The following THEM6 variants were observed in gnomAD, a reference collection of about 807,000 sequenced individuals.
The protein encoded by THEM6 is protein THEM6.
In THEM6, 10 loss-of-function variants were observed where a neutral mutation model predicts 13.7. That is an observed-to-expected ratio of 0.73 (90% CI 0.45 to 1.24). The LOEUF is 1.24. THEM6 is among the 50% of genes most tolerant of loss of function. The pLI, the probability that THEM6 is intolerant of heterozygous loss-of-function variation, is 0.00. For synonymous variants in THEM6, 161 were observed against 156.0 expected (o/e 1.03, Z -0.24); for missense variants, 317 against 312.6 (o/e 1.01, Z -0.11).
In THEM6 at chr8:142,735,617, C is replaced by G. The variant is rs1815741983; in HGVS notation, c.*178C>G. Reference sequence around the variant, plus strand: ...ATACCCCTCTGTGCTGGGCTCCACGCTAGGCAGAAGGAGGAGTGGCATTGG... The same window carrying G: ...ATACCCCTCTGTGCTGGGCTCCACGGTAGGCAGAAGGAGGAGTGGCATTGG... On this transcript the variant is annotated 3_prime_UTR_variant, in exon 2 of 2. Coordinates refer to ENST00000336138, the MANE Select transcript of THEM6 (RefSeq NM_016647.3). 1 of 592,680 alleles carries G rather than the reference C, an allele frequency of 1.7e-6. No homozygotes were observed. The highest frequency in any genetic ancestry group is 3.0e-6 in the Non-Finnish European group (1 of 328,344). The allele number at this position is 592,680 out of a possible 1,614,324, so 36.7% of individuals were successfully genotyped here.
rs1815742106 is a variant in THEM6, at chr8:142,735,620, G to A, written c.*181G>A. 2 of 586,814 alleles carry A rather than the reference G, an allele frequency of 3.4e-6. No homozygotes were observed. The highest frequency in any genetic ancestry group is 1.9e-5 in the African/African-American group (1 of 53,954). The allele number at this position is 586,814 out of a possible 1,614,324, so 36.4% of individuals were successfully genotyped here. On this transcript the variant is annotated 3_prime_UTR_variant, in exon 2 of 2. Transcript: ENST00000336138. ...CCCCTCTGTGCTGGGCTCCACGCTA[G>A]GCAGAAGGAGGAGTGGCATTGGCAT...
At chr8:142,733,139 C>T (rs966085206) in intron 1 of THEM6, among the ~76,000 whole-genome samples, 1 of 152,110 alleles carries the variant, frequency 6.6e-6, no homozygotes, top group South Asian at 2.1e-4. Context: ...TAGCAACGTA[C>T]AACTTTTTAA....
In THEM6 at chr8:142,728,821, T is replaced by C. The variant is rs587636636; in HGVS notation, c.513+962T>C. On this transcript the variant is annotated intron_variant, in intron 1 of 1. Transcript: ENST00000336138. ...ATGTTCCTGTAAGAGGAGGAACGCG[T>C]CCACCCTAGGTGCAATGCTTGTATA... 6.4e-4 allele frequency among the ~76,000 whole-genome samples: 98 copies of C among 152,276 alleles called. 1 individual carries two copies. In the South Asian group the frequency reaches 0.014, roughly 22 times the overall value.
Position 142,727,660 on chromosome 8 carries a change from C to A in THEM6, c.314C>A (p.Ala105Glu). 1 of 1,438,128 alleles carries A rather than the reference C, an allele frequency of 7.0e-7. No individual in the cohort carries two copies. The highest frequency in any genetic ancestry group is 3.0e-5 in the Admixed American group (1 of 33,832). 89.1% of individuals were successfully genotyped at this position (1,438,128 alleles called of 1,614,324 possible). Residue 105 changes from alanine to glutamate, a missense_variant, in exon 1 of 2, where the codon GCG becomes GAG. Transcript: ENST00000336138. ...RAHTVLAASCARHRRSLRLLE... is the reference protein window; with the variant it reads ...RAHTVLAASCERHRRSLRLLE... ...CACACGGTGCTGGCGGCCTCGTGCG[C>A]GCGCCACCGCCGCTCGCTGCGCCTG...
intron 1 of THEM6, among the ~76,000 whole-genome samples, chr8:142,729,103 TA>T (rs751605688): frequency 2.0e-5 from 3 of 151,768 alleles, no homozygotes; most frequent in Middle Eastern, 3.4e-3. Context: ...CACGCCCGGC[TA>T]ATTTTTTGTA....
chr8:142,734,753 G>A, intron 1 of THEM6: 1 of 155,110 alleles, frequency 6.4e-6, no homozygotes, highest in Non-Finnish European at 1.4e-5. Flanking sequence ...GTGGGGGTGG[G>A]CCTGTGCCTG....
At chr8:142,730,412 A>G (rs1328179962) in intron 1 of THEM6, among the ~76,000 whole-genome samples, 2 of 152,168 alleles carry the variant, frequency 1.3e-5, no homozygotes, top group African/African-American at 4.8e-5. Context: ...GAGGGAAGGG[A>G]AACTGGAAGA....
In THEM6 at chr8:142,727,644, C is replaced by T. The variant is rs1815530069; in HGVS notation, c.298C>T (p.Leu100=). 8.2e-6 allele frequency: 12 copies of T among 1,458,452 alleles called. No homozygotes were observed. Among genetic ancestry groups the T allele is most frequent in the Non-Finnish European group, 9.9e-6 (11 of 1,116,216 alleles). The allele number at this position is 1,458,452 out of a possible 1,614,324, so 90.3% of individuals were successfully genotyped here. ...GAGGGAGTTGCGGGCGCACACGGTGCTGGCGGCCTCGTGCGCGCGCCACCG... is the reference window on the plus strand; with the variant it reads ...GAGGGAGTTGCGGGCGCACACGGTGTTGGCGGCCTCGTGCGCGCGCCACCG... ...ALRELRAHTV[L]AASCARHRRS... The change falls in exon 1 of 2, where the codon CTG becomes TTG. Residue 100 remains leucine (L), a synonymous_variant. Transcript: ENST00000336138.
In THEM6 at chr8:142,732,161, A is replaced by AACATAT. The variant is rs1217552333; in HGVS notation, c.514-3164_514-3163insCATATA. 4.0e-3 allele frequency among the ~76,000 whole-genome samples: 148 copies of AACATAT among 37,176 alleles called. 2 individuals are homozygous for AACATAT. Among genetic ancestry groups the AACATAT allele is most frequent in the African/African-American group, 6.0e-3 (86 of 14,360 alleles). The allele number at this position is 37,176 out of a possible 152,430, so 24.4% of individuals were successfully genotyped here. A position where few individuals can be genotyped will look rare whatever the true frequency, so the allele number is the denominator to read the frequency against. ...GTGAAGAGGGGAAAAGGGAGTTTTG[A>AACATAT]ATATATATATATATATATATATATA... On this transcript the variant is annotated intron_variant, in intron 1 of 1. Transcript: ENST00000336138.
intron 1 of THEM6, among the ~76,000 whole-genome samples, chr8:142,731,672 C>G (rs1422107436): frequency 6.6e-6 from 1 of 152,228 alleles, no homozygotes; most frequent in Non-Finnish European, 1.5e-5. Flanking sequence ...TCTCTTCACT[C>G]TCTTCATCCC....
In THEM6 at chr8:142,735,584, A is replaced by C; in HGVS notation, c.*145A>C. ...CCTGCTCCACCCACTGGGCCCCCCCAGTTATTGATACCCCTCTGTGCTGGG... is the reference window on the plus strand; with the variant it reads ...CCTGCTCCACCCACTGGGCCCCCCCCGTTATTGATACCCCTCTGTGCTGGG... On this transcript the variant is annotated 3_prime_UTR_variant, in exon 2 of 2. Coordinates refer to ENST00000336138, the MANE Select transcript of THEM6 (RefSeq NM_016647.3). The C allele has an allele frequency of 1.5e-6, 1 of 645,740 alleles. No individual in the cohort carries two copies. The highest frequency in any genetic ancestry group is 2.8e-6 in the Non-Finnish European group (1 of 357,892). 40.0% of individuals were successfully genotyped at this position (645,740 alleles called of 1,614,324 possible).
Position 142,727,492 on chromosome 8 carries a change from G to A in THEM6, c.146G>A (p.Arg49His). ...GTCCGTGACCTGCTAGCTGAGCAGC[G>A]CTTCCCGGGCCGCGTGCTGCCCTCG... ...PRVRDLLAEQ[R>H]FPGRVLPSDL... The change falls in exon 1 of 2, where the codon CGC becomes CAC. Residue 49 changes from arginine to histidine, a missense_variant. Coordinates refer to ENST00000336138, the MANE Select transcript of THEM6 (RefSeq NM_016647.3). The A allele has an allele frequency of 6.3e-7, 1 of 1,576,568 alleles. No homozygotes were observed. The highest frequency in any genetic ancestry group is 8.5e-7 in the Non-Finnish European group (1 of 1,169,652).
chr8:142,730,967 G>C (rs1385827287), intron 1 of THEM6, among the ~76,000 whole-genome samples: 1 of 152,036 alleles, frequency 6.6e-6, no homozygotes, highest in Non-Finnish European at 1.5e-5. Context: ...GGATAGTCTC[G>C]ATCTCCTGAC....
At position 142,731,129 on chromosome 8, in the gene THEM6, T is replaced by C. The variant is rs191438275; in HGVS notation, c.513+3270T>C. Among the ~76,000 whole-genome samples the C allele has an allele frequency of 5.6e-4, 86 of 152,348 alleles. 1 individual carries two copies. Among genetic ancestry groups the C allele is most frequent in the African/African-American group, 2.0e-3 (85 of 41,580 alleles). On this transcript the variant is annotated intron_variant, in intron 1 of 1. Transcript: ENST00000336138. Reference sequence around the variant, plus strand: ...AGATTTTTATAGACTCTTTTTAAGCTTTTATAATTTTTGTTAAAGAGCGGG... The same window carrying C: ...AGATTTTTATAGACTCTTTTTAAGCCTTTATAATTTTTGTTAAAGAGCGGG...
At chr8:142,733,053 CG>C (rs1815687655) in intron 1 of THEM6, among the ~76,000 whole-genome samples, 1 of 152,216 alleles carries the variant, frequency 6.6e-6, no homozygotes, top group African/African-American at 2.4e-5. Context: ...TATAACCTGA[CG>C]CGTCCACCCT....
intron 1 of THEM6, among the ~76,000 whole-genome samples, chr8:142,728,350 C>T (rs1275277319): frequency 6.6e-6 from 1 of 152,222 alleles, no homozygotes; most frequent in Non-Finnish European, 1.5e-5. Context: ...AGGTATTGAG[C>T]CGAGTAGCTG....
rs1337652730 is a variant in THEM6 at position 142,727,779 on chromosome 8, G to C, written c.433G>C (p.Val145Leu). ...CTTTGTCAGCCTGCGGGACGGCTTC[G>C]TGTGCGCGCTGCTGCGCTTCCGGCA... ...ARFVSLRDGF[V>L]CALLRFRQHL... The change falls in exon 1 of 2, where the codon GTG (valine) becomes CTG (leucine). Residue 145 changes from valine to leucine, a missense_variant. By Grantham distance (32) the Val-to-Leu change is conservative (BLOSUM62 1). Coordinates refer to ENST00000336138, the MANE Select transcript of THEM6 (RefSeq NM_016647.3). 2.0e-6 allele frequency: 3 copies of C among 1,469,194 alleles called. No homozygotes were observed. The African/African-American group carries it at 4.4e-5, about 22-fold the overall frequency. 91.0% of individuals were successfully genotyped at this position (1,469,194 alleles called of 1,614,324 possible).
At chr8:142,728,940 T>TC (rs1449348988) in intron 1 of THEM6, among the ~76,000 whole-genome samples, 10 of 141,254 alleles carry the variant, frequency 7.1e-5, no homozygotes, top group South Asian at 2.2e-4. Flanking sequence ...CTATTTTCTT[T>TC]TTTTTTTTTT....
chr8:142,736,730 C>T lies in THEM6; in HGVS notation c.*1291C>T, dbSNP rs1352420585. The T allele has an allele frequency of 1.3e-5, 2 of 152,454 alleles. No individual in the cohort carries two copies. Among genetic ancestry groups the T allele is most frequent in the Non-Finnish European group, 2.9e-5 (2 of 68,224 alleles). 9.4% of individuals were successfully genotyped at this position (152,454 alleles called of 1,614,324 possible). On this transcript the variant is annotated 3_prime_UTR_variant, in exon 2 of 2. Transcript: ENST00000336138. Reference sequence around the variant, plus strand: ...TGCCCGCTTGCCTGTTCCCCTACATCTGTGCCTGCACATCCAGAACTGCCT... The same window carrying T: ...TGCCCGCTTGCCTGTTCCCCTACATTTGTGCCTGCACATCCAGAACTGCCT...
Sources: allele counts gnomAD v4.1 joint callset (sites outside exome capture counted in the v4.1 genomes callset), GRCh38; gene constraint gnomAD v4.1.1; transcripts MANE v1.5; gene names NCBI Gene and HGNC (gene_info 2026-07-23, HGNC 2026-07-21).